Variants in ARB2A observed in about 807,000 individuals in gnomAD.
The protein encoded by ARB2A is ARB2 cotranscriptional regulator A.
chr5:93,736,769 T>G, the ARB2A span: 1 of 152,096 alleles, frequency 6.6e-6, no homozygotes, highest in Non-Finnish European at 1.5e-5. Flanking sequence ...CCCTCGCATA[T>G]AAAACATTCA....
chr5:93,936,888 A>T, the ARB2A span, among the ~76,000 whole-genome samples: 1 of 151,812 alleles, frequency 6.6e-6, no homozygotes, highest in African/African-American at 2.4e-5. Flanking sequence ...CCGAAATGTC[A>T]ATTCATTAAT....
At chr5:93,764,277 A>T in the ARB2A span, among the ~76,000 whole-genome samples, 2 of 152,200 alleles carry the variant, frequency 1.3e-5, no homozygotes, top group Admixed American at 6.5e-5. Context: ...TTTTGAAAAG[A>T]TCAACAAAAT....
chr5:93,619,536 T>C, the ARB2A span: 1 of 152,372 alleles, frequency 6.6e-6, no homozygotes, highest in Middle Eastern at 3.4e-3. Context: ...TCATTTTGGG[T>C]ACATTTTATC....
At chr5:94,034,487 A>T in the ARB2A span, among the ~76,000 whole-genome samples, 4 of 151,830 alleles carry the variant, frequency 2.6e-5, no homozygotes, top group Non-Finnish European at 5.9e-5. Context: ...CCAACTGCTT[A>T]ATTCTTTCCC....
chr5:94,111,299 C>T, the ARB2A span, among the ~76,000 whole-genome samples: 1 of 152,180 alleles, frequency 6.6e-6, no homozygotes, highest in Admixed American at 6.5e-5. Context: ...ACGTCGCTCC[C>T]GCCTAGAGAG....
chr5:93,908,884 T>TA, the ARB2A span, among the ~76,000 whole-genome samples: 5 of 150,768 alleles, frequency 3.3e-5, no homozygotes, highest in South Asian at 2.1e-4. Flanking sequence ...CCTCCATGTT[T>TA]AAAAAAAATG....
the ARB2A span, among the ~76,000 whole-genome samples, chr5:93,664,316 A>G: frequency 2.6e-5 from 4 of 152,240 alleles, no homozygotes; most frequent in Middle Eastern, 0.01. Context: ...CCTGGCCTCA[A>G]GCAATCCTCC....
the ARB2A span, among the ~76,000 whole-genome samples, chr5:93,920,775 C>T: frequency 6.6e-6 from 1 of 152,090 alleles, no homozygotes; most frequent in Non-Finnish European, 1.5e-5. Context: ...CACTGCAGTT[C>T]ATACTGCAGT....
At chr5:93,958,030 A>C in the ARB2A span, among the ~76,000 whole-genome samples, 2 of 152,018 alleles carry the variant, frequency 1.3e-5, no homozygotes, top group African/African-American at 4.8e-5. Flanking sequence ...TGGGCTGTTC[A>C]CTATGGAACT....
chr5:93,852,430 C>T, the ARB2A span, among the ~76,000 whole-genome samples: 4 of 152,140 alleles, frequency 2.6e-5, no homozygotes, highest in East Asian at 1.9e-4. Context: ...TGGTAGTTTC[C>T]TTTGCTATGC....
the ARB2A span, among the ~76,000 whole-genome samples, chr5:94,092,770 A>G: frequency 6.6e-6 from 1 of 152,150 alleles, no homozygotes; most frequent in Admixed American, 6.6e-5. Context: ...ATAATTATGG[A>G]TGAATATATA....
chr5:93,981,114 T>C, the ARB2A span, among the ~76,000 whole-genome samples: 1 of 151,606 alleles, frequency 6.6e-6, no homozygotes, highest in Non-Finnish European at 1.5e-5. Context: ...TCATCCAGGC[T>C]GGAGTGTGCA....
the ARB2A span, among the ~76,000 whole-genome samples, chr5:93,845,795 C>T: frequency 1.3e-5 from 2 of 152,170 alleles, no homozygotes; most frequent in African/African-American, 2.4e-5. Context: ...GTGTTCCAGA[C>T]AGTTCAATCT....
the ARB2A span, among the ~76,000 whole-genome samples, chr5:93,671,931 T>G: frequency 2.0e-5 from 3 of 152,154 alleles, no homozygotes; most frequent in Admixed American, 6.5e-5. Flanking sequence ...TGGAAAGAAC[T>G]GGTAAGTAAG....
chr5:93,969,406 TTC>T, the ARB2A span, among the ~76,000 whole-genome samples: 32 of 152,186 alleles, frequency 2.1e-4, no homozygotes, highest in South Asian at 6.4e-3. Context: ...CCTGGATTTC[TTC>T]TGATTCCTAA....
chr5:93,737,229 T>G, the ARB2A span: 8 of 152,004 alleles, frequency 5.3e-5, no homozygotes, highest in African/African-American at 1.9e-4. Context: ...ACAAATAACT[T>G]TAAGAAAGTG....
chr5:93,712,229 TA>T, the ARB2A span, among the ~76,000 whole-genome samples: 1 of 152,008 alleles, frequency 6.6e-6, no homozygotes, highest in East Asian at 1.9e-4. Context: ...TGACCTAAAA[TA>T]AAATTAAAAT....
chr5:93,624,677 C>G, the ARB2A span, among the ~76,000 whole-genome samples: 1 of 152,028 alleles, frequency 6.6e-6, no homozygotes, highest in African/African-American at 2.4e-5. Flanking sequence ...TGGAAATTTG[C>G]AGGGATATTT....
At chr5:93,885,713 C>T in the ARB2A span, among the ~76,000 whole-genome samples, 2 of 151,460 alleles carry the variant, frequency 1.3e-5, no homozygotes, top group Non-Finnish European at 3.0e-5. Flanking sequence ...ACTTTTGTTG[C>T]TATAATTCTA....
Sources: allele counts gnomAD v4.1 joint callset (sites outside exome capture counted in the v4.1 genomes callset), GRCh38; gene constraint gnomAD v4.1.1; transcripts MANE v1.5; gene names NCBI Gene and HGNC (gene_info 2026-07-23, HGNC 2026-07-21).